The following QRSL1 variants were observed in gnomAD, a reference collection of about 807,000 sequenced individuals.
The protein encoded by QRSL1 is glutaminyl-tRNA amidotransferase subunit QRSL1, also known as glutamyl-tRNA(Gln) amidotransferase subunit A, mitochondrial.
QRSL1 carries 54 observed loss-of-function variants against 61.6 expected under a neutral mutation model. The observed-to-expected ratio is 0.88, with a 90% CI of 0.70 to 1.10. QRSL1 has a LOEUF of 1.10. Ranked by LOEUF, QRSL1 falls within the 50% of genes least tolerant of loss-of-function variation. The pLI, the probability that QRSL1 is intolerant of heterozygous loss-of-function variation, is 0.00. For synonymous variants in QRSL1, 228 were observed against 225.7 expected (o/e 1.01, Z -0.09); for missense variants, 505 against 622.6 (o/e 0.81, Z 2.01).
intron 4 of QRSL1, among the ~76,000 whole-genome samples, chr6:106,647,099 A>G (rs1277856706): frequency 6.6e-6 from 1 of 151,596 alleles, no homozygotes; most frequent in Non-Finnish European, 1.5e-5. Flanking sequence ...ACTTTGAAAT[A>G]TGCTACTAAA....
intron 9 of QRSL1, among the ~76,000 whole-genome samples, chr6:106,657,975 T>G (rs1343658525): frequency 1.3e-5 from 2 of 152,214 alleles, no homozygotes; most frequent in African/African-American, 4.8e-5. Flanking sequence ...AGTGCTGGGA[T>G]TACAGGCGTG....
intron 4 of QRSL1, among the ~76,000 whole-genome samples, chr6:106,644,817 C>T (rs1777083328): frequency 6.6e-6 from 1 of 152,160 alleles, no homozygotes; most frequent in Non-Finnish European, 1.5e-5. Flanking sequence ...TCGTGCCTGG[C>T]CAAGAAATCT....
At chr6:106,644,418 G>A (rs527755341) in intron 4 of QRSL1, among the ~76,000 whole-genome samples, 80 of 152,014 alleles carry the variant, frequency 5.3e-4, no homozygotes, top group African/African-American at 1.7e-3. Context: ...TCATCCTTCC[G>A]AGCAGCTGGG....
At chr6:106,640,199 G>A in intron 1 of QRSL1, 150 bp from the exon 2 acceptor site, 1 of 655,768 alleles carries the variant, frequency 1.5e-6, no homozygotes, top group Non-Finnish European at 2.7e-6. Context: ...ACTACACTAA[G>A]TGTAGAGGTA....
intron 5 of QRSL1, among the ~76,000 whole-genome samples, chr6:106,651,868 A>G (rs1377648947): frequency 6.6e-6 from 1 of 152,204 alleles, no homozygotes; most frequent in Non-Finnish European, 1.5e-5. Flanking sequence ...GGAATATTAC[A>G]TATACTTTAC....
rs901453792 is a variant in QRSL1 at position 106,666,169 on chromosome 6, A to C, written c.*167A>C. The C allele has an allele frequency of 1.6e-6, 1 of 606,110 alleles. No individual in the cohort carries two copies. The highest frequency in any genetic ancestry group is 2.9e-6 in the Non-Finnish European group (1 of 348,732). The allele number at this position is 606,110 out of a possible 1,614,324, so 37.5% of individuals were successfully genotyped here. On this transcript the variant is annotated 3_prime_UTR_variant, in exon 11 of 11. Coordinates refer to ENST00000369046, the MANE Select transcript of QRSL1 (RefSeq NM_018292.5). ...TCTACTAAAAATACAAAAATTAGCC[A>C]GGCTTAGTGGCGGGCATCTGTAGTC... is the stretch of plus-strand genomic sequence containing the variant.
intron 4 of QRSL1, among the ~76,000 whole-genome samples, chr6:106,648,476 G>T (rs1022688979): frequency 6.6e-6 from 1 of 152,136 alleles, no homozygotes; most frequent in Non-Finnish European, 1.5e-5. Context: ...CATACTTTGT[G>T]TATATATGTA....
Position 106,666,895 on chromosome 6 carries a change from G to A in QRSL1, c.*893G>A, listed in dbSNP as rs1337822442. 6.6e-6 allele frequency: 1 copy of A among 152,186 alleles called. No individual in the cohort carries two copies. Among genetic ancestry groups the A allele is most frequent in the Non-Finnish European group, 1.5e-5 (1 of 68,036 alleles). The allele number at this position is 152,186 out of a possible 1,614,324, so 9.4% of individuals were successfully genotyped here. On this transcript the variant is annotated 3_prime_UTR_variant, in exon 11 of 11. Coordinates refer to ENST00000369046, the MANE Select transcript of QRSL1 (RefSeq NM_018292.5). ...TCTCTGGGGAGGAGCTCCACTTGCA[G>A]GGACTCCTTTTATTTCCCTAAGAAA... is the stretch of plus-strand genomic sequence containing the variant.
At chr6:106,634,270 A>G (rs1011650431) in intron 1 of QRSL1, among the ~76,000 whole-genome samples, 1 of 152,220 alleles carries the variant, frequency 6.6e-6, no homozygotes, top group Non-Finnish European at 1.5e-5. Context: ...GAGGAGAGCA[A>G]TGAGAGAAGA....
intron 5 of QRSL1, 121 bp from the exon 6 acceptor site, chr6:106,652,088 A>C: frequency 1.0e-6 from 1 of 963,364 alleles, no homozygotes; most frequent in Non-Finnish European, 1.5e-6. Context: ...TGAGATGAAC[A>C]TGTGTTACTT....
chr6:106,643,085 T>C lies in QRSL1; in HGVS notation c.375T>C (p.Ala125=). The change falls in exon 4 of 11, where the codon GCT becomes GCC. Residue 125 remains alanine (A), a synonymous_variant. Coordinates refer to ENST00000369046, the MANE Select transcript of QRSL1 (RefSeq NM_018292.5). ...GAAAAACAAATTTAGATGAGTTTGC[T>C]ATGGGGTAAGTAAAATTGAAATCTT... is the stretch of plus-strand genomic sequence containing the variant. ...LMGKTNLDEF[A]MGSGSTDGVF... The C allele has an allele frequency of 6.3e-7, 1 of 1,595,274 alleles. No homozygotes were observed. The highest frequency in any genetic ancestry group is 8.6e-7 in the Non-Finnish European group (1 of 1,166,082).
At chr6:106,653,142 A>G (rs569828545) in intron 7 of QRSL1, 1 of 165,518 alleles carries the variant, frequency 6.0e-6, no homozygotes, top group African/African-American at 2.4e-5. Context: ...TACAGTAGCA[A>G]TTGAGTAATG....
intron 4 of QRSL1, among the ~76,000 whole-genome samples, chr6:106,644,297 AG>A (rs1189579415): frequency 6.6e-6 from 1 of 151,994 alleles, no homozygotes; most frequent in African/African-American, 2.4e-5. Context: ...AAGTGTTGGG[AG>A]GCAAAAGCAA....
At chr6:106,636,815 G>A (rs1776930024) in intron 1 of QRSL1, among the ~76,000 whole-genome samples, 1 of 152,146 alleles carries the variant, frequency 6.6e-6, no homozygotes, top group South Asian at 2.1e-4. Flanking sequence ...TAAATTATAT[G>A]TATTTGCATT....
At chr6:106,660,203 C>T (rs897946733) in intron 9 of QRSL1, among the ~76,000 whole-genome samples, 1 of 151,752 alleles carries the variant, frequency 6.6e-6, no homozygotes. Flanking sequence ...ATTTTCTTTT[C>T]TTTTCTTTTT....
intron 8 of QRSL1, 96 bp from the exon 9 acceptor site, chr6:106,655,519 A>T (rs1366160026): frequency 1.0e-5 from 7 of 674,038 alleles, no homozygotes; most frequent in Non-Finnish European, 1.7e-5. Context: ...CATCTCAAAA[A>T]AAAAAAAAAA....
chr6:106,641,006 T>A, intron 3 of QRSL1, 85 bp downstream of exon 3: 1 of 891,226 alleles, frequency 1.1e-6, no homozygotes. Context: ...CAAGATAATC[T>A]CAGACTAATT....
intron 5 of QRSL1, among the ~76,000 whole-genome samples, chr6:106,651,845 G>A (rs531944536): frequency 2.6e-5 from 4 of 152,110 alleles, no homozygotes; most frequent in East Asian, 3.9e-4. Flanking sequence ...CAGGAATCAC[G>A]AATTTATATG....
At chr6:106,654,396 G>C (rs1777234771) in intron 7 of QRSL1, among the ~76,000 whole-genome samples, 1 of 151,346 alleles carries the variant, frequency 6.6e-6, no homozygotes, top group African/African-American at 2.4e-5. Flanking sequence ...TGATACATGA[G>C]CATTTAACAT....
Sources: gnomAD v4.1 joint callset for allele counts (sites outside exome capture counted in the v4.1 genomes callset) on GRCh38, gnomAD v4.1.1 for gene constraint, MANE v1.5 for transcripts, NCBI Gene and HGNC (gene_info 2026-07-23, HGNC 2026-07-21) for gene names.